The following CFAP69 variants were observed in gnomAD, a reference collection of about 807,000 sequenced individuals.
The protein encoded by CFAP69 is cilia- and flagella-associated protein 69.
CFAP69 carries 92 observed loss-of-function variants against 123.0 expected under a neutral mutation model. The ratio of observed to expected loss-of-function variants is 0.75; its 90% CI spans 0.63 to 0.89. The LOEUF is 0.89. Among genes scored for constraint, CFAP69 ranks in the 40% least tolerant of loss-of-function variants. CFAP69 has a pLI of 0.00. For missense variants in CFAP69, 1,067 were observed against 1,096.9 expected, an observed-to-expected ratio of 0.97 and a Z score of 0.39; for synonymous variants, 380 against 364.3, an observed-to-expected ratio of 1.04 and a Z score of -0.49.
chr7:90,265,173 CA>C, intron 4 of CFAP69, 127 bp from the exon 5 acceptor site: 1 of 541,488 alleles, frequency 1.8e-6, no homozygotes, highest in South Asian at 2.3e-5. Context: ...TGTCAATCCC[CA>C]GGGCTAAAGA....
intron 5 of CFAP69, 73 bp downstream of exon 5, chr7:90,265,450 T>TC: frequency 9.9e-7 from 1 of 1,009,904 alleles, no homozygotes; most frequent in Non-Finnish European, 1.5e-6. Flanking sequence ...ATATCTATTT[T>TC]CCCCAAGTTT....
At chr7:90,258,971 T>C (rs938620644) in intron 3 of CFAP69, among the ~76,000 whole-genome samples, 12 of 152,188 alleles carry the variant, frequency 7.9e-5, no homozygotes, top group African/African-American at 2.7e-4. Context: ...TGTAAAGTAA[T>C]AGAAGCTCAT....
intron 15 of CFAP69, among the ~76,000 whole-genome samples, chr7:90,289,120 G>A (rs1020990002): frequency 2.6e-5 from 4 of 151,818 alleles, no homozygotes; most frequent in African/African-American, 9.7e-5. Context: ...AAAAATATTT[G>A]TGTGCATATA....
In CFAP69 at chr7:90,245,207, G is replaced by C. The variant is rs1796182561; in HGVS notation, c.-218G>C. ...GCTGGCTTGTGTTAACAACCGGCCC[G>C]GGATCAGAGGTCTGGGTCAACTGGG... On this transcript the variant is annotated 5_prime_UTR_variant, in exon 1 of 23. Coordinates refer to ENST00000389297, the MANE Select transcript of CFAP69 (RefSeq NM_001039706.3). 3 of 483,534 alleles carry C rather than the reference G, an allele frequency of 6.2e-6. No homozygotes were observed. Among genetic ancestry groups the C allele is most frequent in the African/African-American group, 2.0e-5 (1 of 49,618 alleles). 30.0% of individuals were successfully genotyped at this position (483,534 alleles called of 1,614,324 possible).
chr7:90,304,397 A>C (rs1793241862), intron 18 of CFAP69: 1 of 1,206,894 alleles, frequency 8.3e-7, no homozygotes, highest in East Asian at 4.3e-5. Context: ...TGACATTCTG[A>C]GTCACTTGAG....
intron 14 of CFAP69, among the ~76,000 whole-genome samples, chr7:90,287,124 C>A (rs1325112965): frequency 6.7e-6 from 1 of 150,110 alleles, no homozygotes; most frequent in Non-Finnish European, 1.5e-5. Context: ...ATATCCATGT[C>A]ATTGCATGTA....
At chr7:90,274,694 T>C (rs1788324716) in intron 9 of CFAP69, among the ~76,000 whole-genome samples, 1 of 152,180 alleles carries the variant, frequency 6.6e-6, no homozygotes, top group Non-Finnish European at 1.5e-5. Flanking sequence ...TTTCAAATCG[T>C]TATTCCCCTA....
intron 3 of CFAP69, among the ~76,000 whole-genome samples, 185 bp from the exon 4 acceptor site, chr7:90,261,762 G>T (rs929692338): frequency 4.6e-5 from 7 of 152,068 alleles, no homozygotes; most frequent in East Asian, 1.9e-4. Flanking sequence ...AAATGAAATG[G>T]TTTTTTTAAA....
rs374429257 is a variant in CFAP69, at chr7:90,293,238, C to T, written c.1776-4511C>T. Among the ~76,000 whole-genome samples, 45 of 152,300 alleles carry T rather than the reference C, an allele frequency of 3.0e-4. 1 individual carries two copies. In the South Asian group the frequency reaches 9.3e-3, roughly 32 times the overall value. On this transcript the variant is annotated intron_variant, in intron 15 of 22. Transcript: ENST00000389297. ...CCAAATAAGCCAAATTTTACCTTTACATTAGTGTACTATTAATTTTACACT... is the reference window on the plus strand; with the variant it reads ...CCAAATAAGCCAAATTTTACCTTTATATTAGTGTACTATTAATTTTACACT...
rs768947250 is a variant in CFAP69, at chr7:90,306,913, T to A, written c.2278T>A (p.Trp760Arg). Residue 760 changes from tryptophan to arginine, a missense_variant, in exon 20 of 23, where the codon TGG (tryptophan) becomes AGG (arginine). Coordinates refer to ENST00000389297, the MANE Select transcript of CFAP69 (RefSeq NM_001039706.3). ...TTTGTTATAACAGATTGGAGAAATA[T>A]GGAATGAAATATATGAAGAAATAAA... is the stretch of plus-strand genomic sequence containing the variant. ...RYLDFKIGEI[W>R]NEIYEEIKLE... is the part of the protein sequence containing the mutation. 6.6e-7 allele frequency: 1 copy of A among 1,509,478 alleles called. No homozygotes were observed. Among genetic ancestry groups the A allele is most frequent in the Admixed American group, 1.8e-5 (1 of 54,284 alleles). 93.5% of individuals were successfully genotyped at this position (1,509,478 alleles called of 1,614,324 possible).
chr7:90,323,418 G>C, the CFAP69 span, among the ~76,000 whole-genome samples: 1 of 152,190 alleles, frequency 6.6e-6, no homozygotes, highest in Non-Finnish European at 1.5e-5. Context: ...GATGTAGATA[G>C]TAAGTTTAGG....
Position 90,294,639 on chromosome 7 carries a change from T to C in CFAP69, c.1776-3110T>C, listed in dbSNP as rs546197441. 3.5e-4 allele frequency among the ~76,000 whole-genome samples: 53 copies of C among 152,284 alleles called. 2 individuals carry two copies. The highest frequency in any genetic ancestry group is 1.4e-3 in the East Asian group (7 of 5,172). On this transcript the variant is annotated intron_variant, in intron 15 of 22. Coordinates refer to ENST00000389297, the MANE Select transcript of CFAP69 (RefSeq NM_001039706.3). ...GGAAACCTCGTCCAGTTTTAGTTTTTTGGGGGACTTGCAGCAAAGTTTGTA... is the reference window on the plus strand; with the variant it reads ...GGAAACCTCGTCCAGTTTTAGTTTTCTGGGGGACTTGCAGCAAAGTTTGTA...
At chr7:90,299,140 G>A (rs1017001948) in intron 16 of CFAP69, among the ~76,000 whole-genome samples, 4 of 152,064 alleles carry the variant, frequency 2.6e-5, no homozygotes, top group Non-Finnish European at 5.9e-5. Context: ...TAAAACAAAA[G>A]CTTACATATT....
intron 9 of CFAP69, among the ~76,000 whole-genome samples, chr7:90,275,442 C>G (rs1788440939): frequency 6.6e-6 from 1 of 152,080 alleles, no homozygotes; most frequent in Admixed American, 6.6e-5. Flanking sequence ...CTCTCTGGCT[C>G]TCTCCTTTAT....
At chr7:90,322,026 G>A in the CFAP69 span, among the ~76,000 whole-genome samples, 1 of 151,108 alleles carries the variant, frequency 6.6e-6, no homozygotes, top group Non-Finnish European at 1.5e-5. Context: ...AGGTTCTTGA[G>A]CTGGGATGGT....
rs559542891 is a variant in CFAP69, at chr7:90,272,222, A to T, written c.860+264A>T. ...AGATAAAGTAAAATTAGACTTTAGA[A>T]GAACTATTTCATTTATTTATCCAGT... On this transcript the variant is annotated intron_variant, in intron 8 of 22. Coordinates refer to ENST00000389297, the MANE Select transcript of CFAP69 (RefSeq NM_001039706.3). The T allele has an allele frequency of 4.1e-5, 12 of 292,036 alleles. No homozygotes were observed. The East Asian group carries it at 6.7e-4, about 16-fold the overall frequency. 18.1% of individuals were successfully genotyped at this position (292,036 alleles called of 1,614,324 possible). A position where few individuals can be genotyped will look rare whatever the true frequency, so the allele number is the denominator to read the frequency against.
rs372770669 is a variant in CFAP69 at position 90,255,467 on chromosome 7, C to T, written c.165C>T (p.Leu55=). The T allele has an allele frequency of 2.0e-5, 33 of 1,612,106 alleles. No individual in the cohort carries two copies. The highest frequency in any genetic ancestry group is 2.3e-5 in the Non-Finnish European group (27 of 1,178,926). ...ACCTTAATCGTGTCATCAAACTCCT[C>T]GAAGAGACTGATAAAGTGAGTAAGC... ...PMDLNRVIKL[L]EETDKDGLEE... The change falls in exon 2 of 23, where the codon CTC becomes CTT. Residue 55 remains leucine, a synonymous_variant. Coordinates refer to ENST00000389297, the MANE Select transcript of CFAP69 (RefSeq NM_001039706.3).
At chr7:90,259,786 A>ATT (rs142262116) in intron 3 of CFAP69, among the ~76,000 whole-genome samples, 1 of 151,186 alleles carries the variant, frequency 6.6e-6, no homozygotes, top group Non-Finnish European at 1.5e-5. Flanking sequence ...ACAGCTGGCC[A>ATT]TTTTTTTTTA....
At chr7:90,251,674 A>G (rs1797023264) in intron 1 of CFAP69, among the ~76,000 whole-genome samples, 1 of 152,142 alleles carries the variant, frequency 6.6e-6, no homozygotes, top group African/African-American at 2.4e-5. Flanking sequence ...CTGAAACAAA[A>G]AAAACCTACT....
Sources: gnomAD v4.1 joint callset for allele counts (sites outside exome capture counted in the v4.1 genomes callset) on GRCh38, gnomAD v4.1.1 for gene constraint, MANE v1.5 for transcripts, NCBI Gene and HGNC (gene_info 2026-07-23, HGNC 2026-07-21) for gene names.